The following FYB2 variants were observed in gnomAD, a reference collection of about 807,000 sequenced individuals.
FYB2 encodes FYN binding protein 2.
A neutral mutation model predicts 94.1 loss-of-function variants in FYB2; 103 were observed. That is an observed-to-expected ratio of 1.09 (90% confidence interval 0.93 to 1.29). FYB2 has a LOEUF of 1.29. Ranked by LOEUF, FYB2 falls within the 50% of genes most tolerant of loss-of-function variation. FYB2 has a pLI of 0.00. For missense variants in FYB2, 896 were observed against 841.5 expected (o/e 1.06, Z -0.80); for synonymous variants, 293 against 287.9 (o/e 1.02, Z -0.18).
At chr1:56,726,141 T>G (rs564988479) in intron 16 of FYB2, among the ~76,000 whole-genome samples, 1 of 152,176 alleles carries the variant, frequency 6.6e-6, no homozygotes, top group Non-Finnish European at 1.5e-5. Context: ...AAAGTTACAT[T>G]TAAGTTCTAA....
intron 4 of FYB2, among the ~76,000 whole-genome samples, chr1:56,778,176 T>C (rs1340685301): frequency 6.6e-6 from 1 of 152,154 alleles, no homozygotes; most frequent in East Asian, 1.9e-4. Flanking sequence ...TGACCAACTC[T>C]TTCTCAACCA....
chr1:56,720,947 T>TATCA (rs1376050895), intron 17 of FYB2: 1 of 152,138 alleles, frequency 6.6e-6, no homozygotes, highest in African/African-American at 2.4e-5. Flanking sequence ...CTTACATACC[T>TATCA]ATCATTTCTA....
At chr1:56,782,083 A>G (rs1646021944) in intron 4 of FYB2, among the ~76,000 whole-genome samples, 2 of 152,198 alleles carry the variant, frequency 1.3e-5, no homozygotes, top group African/African-American at 2.4e-5. Context: ...GGGTGATTGA[A>G]ATATCTATCA....
intron 4 of FYB2, among the ~76,000 whole-genome samples, chr1:56,784,559 T>A (rs1300006777): frequency 6.6e-6 from 1 of 152,160 alleles, no homozygotes; most frequent in Non-Finnish European, 1.5e-5. Flanking sequence ...CAAGATAAAG[T>A]CTCAACTTTT....
At chr1:56,726,434 C>A in intron 16 of FYB2, 63 bp downstream of exon 16, 1 of 1,448,870 alleles carries the variant, frequency 6.9e-7, no homozygotes. Context: ...TGAGGCCACA[C>A]AGCTAGTAAG....
intron 4 of FYB2, among the ~76,000 whole-genome samples, chr1:56,776,717 G>C (rs1460226489): frequency 6.6e-6 from 1 of 152,110 alleles, no homozygotes. Context: ...CTAGTGGTAG[G>C]CTTTTAAATA....
At chr1:56,765,876 G>A (rs942606025) in intron 5 of FYB2, among the ~76,000 whole-genome samples, 1 of 152,142 alleles carries the variant, frequency 6.6e-6, no homozygotes, top group Non-Finnish European at 1.5e-5. Context: ...CTTAGCAGGA[G>A]CAATAGGACA....
intron 4 of FYB2, among the ~76,000 whole-genome samples, chr1:56,782,701 T>C (rs962840151): frequency 6.6e-6 from 1 of 152,042 alleles, no homozygotes; most frequent in African/African-American, 2.4e-5. Context: ...ATCATCAAAG[T>C]GAAAACACAA....
intron 15 of FYB2, among the ~76,000 whole-genome samples, chr1:56,734,124 T>C (rs1371978115): frequency 6.6e-6 from 1 of 152,182 alleles, no homozygotes; most frequent in Non-Finnish European, 1.5e-5. Flanking sequence ...ATATTTAGGA[T>C]AGTTAGCTCT....
intron 1 of FYB2, among the ~76,000 whole-genome samples, chr1:56,795,071 G>A (rs1007592094): frequency 2.0e-5 from 3 of 151,368 alleles, no homozygotes; most frequent in African/African-American, 7.3e-5. Flanking sequence ...GCAGTGTTAT[G>A]TAGGTTCACA....
At chr1:56,802,952 C>T (rs550160068) in intron 1 of FYB2, among the ~76,000 whole-genome samples, 1 of 152,104 alleles carries the variant, frequency 6.6e-6, no homozygotes, top group African/African-American at 2.4e-5. Context: ...GTGTTAGCAG[C>T]CTCTCTATAA....
chr1:56,781,199 A>T (rs1646001239), intron 4 of FYB2, among the ~76,000 whole-genome samples: 1 of 152,218 alleles, frequency 6.6e-6, no homozygotes, highest in Non-Finnish European at 1.5e-5. Context: ...TGTTGCTGTT[A>T]TTAAGTAGAA....
chr1:56,798,589 G>A (rs1646452747), intron 1 of FYB2, among the ~76,000 whole-genome samples: 1 of 151,996 alleles, frequency 6.6e-6, no homozygotes, highest in Non-Finnish European at 1.5e-5. Context: ...TAGGAAAAAA[G>A]ACTCCATCAA....
chr1:56,753,934 C>T lies in FYB2; in HGVS notation c.1132G>A (p.Ala378Thr), dbSNP rs201370575. 6.3e-6 allele frequency: 10 copies of T among 1,580,918 alleles called. No individual in the cohort carries two copies. The East Asian group carries it at 1.6e-4, about 25-fold the overall frequency. ...GKNFPYPEPS[A>T]KHEDKKMKEK... is the part of the protein sequence containing the mutation. ...TTCATTTTTTTATCTTCATGTTTAG[C>T]ACTGAAATGTGAAGAGATACCAGGA... Residue 378 changes from alanine (A) to threonine (T), a missense_variant and splice_region_variant, in exon 8 of 20, where the codon GCT becomes ACT. Transcript: ENST00000343433.
chr1:56,792,047 G>GT lies in FYB2; in HGVS notation c.757+8dup. ...CTAGCCCCTGTCCCATGGGGATCAC[G>GT]TTTGTTACCTGGGGCCTGACTGGCA... On this transcript the variant is annotated intron_variant, in intron 2 of 19. Coordinates refer to ENST00000343433, the MANE Select transcript of FYB2 (RefSeq NM_001004303.5). 1.3e-6 allele frequency: 2 copies of GT among 1,562,012 alleles called. No individual in the cohort carries two copies. The highest frequency in any genetic ancestry group is 2.5e-5 in the South Asian group (2 of 80,492).
At chr1:56,756,392 T>A (rs1297205320) in intron 6 of FYB2, among the ~76,000 whole-genome samples, 1 of 152,122 alleles carries the variant, frequency 6.6e-6, no homozygotes, top group Non-Finnish European at 1.5e-5. Context: ...TTTGGCTCCA[T>A]TAAAATTATG....
At chr1:56,719,812 A>G in intron 19 of FYB2, 120 bp from the exon 20 acceptor site, 3 of 1,129,146 alleles carry the variant, frequency 2.7e-6, no homozygotes, top group Non-Finnish European at 3.8e-6. Context: ...TAAAATGTTT[A>G]TAAAGCTGTG....
chr1:56,755,822 T>G (rs577278509), intron 7 of FYB2, 74 bp downstream of exon 7: 2 of 1,417,054 alleles, frequency 1.4e-6, no homozygotes, highest in South Asian at 1.2e-5. Context: ...AGCTGGCCCA[T>G]AGAGGAAAAC....
At chr1:56,790,942 G>C (rs1413386144) in intron 2 of FYB2, among the ~76,000 whole-genome samples, 3 of 152,138 alleles carry the variant, frequency 2.0e-5, no homozygotes, top group Non-Finnish European at 4.4e-5. Context: ...AAGGTCCTGA[G>C]GCTTGACAAA....
Sources: allele counts gnomAD v4.1 joint callset (sites outside exome capture counted in the v4.1 genomes callset), GRCh38; gene constraint gnomAD v4.1.1; transcripts MANE v1.5; gene names NCBI Gene and HGNC (gene_info 2026-07-23, HGNC 2026-07-21).